DYM: variants seen among roughly 807,000 people sequenced by gnomAD.
DYM encodes dyggve-Melchior-Clausen syndrome protein.
DYM carries 78 observed loss-of-function variants against 93.1 expected under a neutral mutation model. That is an observed-to-expected ratio of 0.84 (90% confidence interval 0.70 to 1.01). DYM has a LOEUF of 1.01. DYM is among the 50% of genes least tolerant of loss of function. DYM has a pLI of 0.00. For missense variants in DYM, 789 were observed against 845.0 expected, an observed-to-expected ratio of 0.93 and a Z score of 0.82; for synonymous variants, 321 against 319.7, an observed-to-expected ratio of 1.00 and a Z score of -0.04.
At chr18:49,361,764 A>C (rs1220891206) in intron 6 of DYM, among the ~76,000 whole-genome samples, 1 of 152,194 alleles carries the variant, frequency 6.6e-6, no homozygotes, top group Non-Finnish European at 1.5e-5. Flanking sequence ...TCTGTAGCCC[A>C]GGCTGGAGTG....
At chr18:49,079,588 T>A (rs1237799003) in intron 17 of DYM, among the ~76,000 whole-genome samples, 2 of 151,640 alleles carry the variant, frequency 1.3e-5, no homozygotes, top group African/African-American at 4.8e-5. Flanking sequence ...TACTTGAGAT[T>A]AGGGAGTGGT....
At chr18:49,453,697 G>A (rs2082729098) in intron 1 of DYM, among the ~76,000 whole-genome samples, 1 of 152,192 alleles carries the variant, frequency 6.6e-6, no homozygotes, top group Non-Finnish European at 1.5e-5. Context: ...TGTAGAATTT[G>A]CTTAATTATT....
intron 1 of DYM, among the ~76,000 whole-genome samples, chr18:49,434,114 G>A (rs766062185): frequency 8.6e-5 from 13 of 152,022 alleles, no homozygotes; most frequent in Non-Finnish European, 1.6e-4. Flanking sequence ...GGGAGGCCAA[G>A]ACGGGCAGAC....
At chr18:49,290,360 A>G (rs2060032548) in intron 8 of DYM, among the ~76,000 whole-genome samples, 1 of 151,864 alleles carries the variant, frequency 6.6e-6, no homozygotes, top group African/African-American at 2.4e-5. Context: ...ATCCATATGT[A>G]CATATTTAAA....
At position 49,333,713 on chromosome 18, in the gene DYM, A is replaced by G. The variant is rs775469330; in HGVS notation, c.620+15T>C. The G allele has an allele frequency of 6.2e-7, 1 of 1,613,364 alleles. No homozygotes were observed. Among genetic ancestry groups the G allele is most frequent in the South Asian group, 1.1e-5 (1 of 91,040 alleles). On this transcript the variant is annotated intron_variant, in intron 7 of 17. Transcript: ENST00000675505. ...TACAATGAAAAAACTAGACATACTT[A>G]AAGTAGAAACATACCATGGACCTCG...
chr18:49,245,600 T>C (rs1352692008), intron 13 of DYM, among the ~76,000 whole-genome samples: 1 of 152,174 alleles, frequency 6.6e-6, no homozygotes, highest in Admixed American at 6.5e-5. Flanking sequence ...ATCAGACTGG[T>C]TCTCTGCTCT....
intron 8 of DYM, among the ~76,000 whole-genome samples, chr18:49,316,436 A>C (rs2061946048): frequency 6.6e-6 from 1 of 152,214 alleles, no homozygotes; most frequent in Non-Finnish European, 1.5e-5. Context: ...TATCTGAAAA[A>C]ACTTCCAAAT....
chr18:49,144,556 G>A (rs765926457), intron 15 of DYM, among the ~76,000 whole-genome samples: 2 of 152,012 alleles, frequency 1.3e-5, no homozygotes, highest in Non-Finnish European at 1.5e-5. Flanking sequence ...TATTTGAAAG[G>A]CAGGACAAAT....
chr18:49,262,428 A>G (rs967097642), intron 11 of DYM, among the ~76,000 whole-genome samples: 1 of 152,192 alleles, frequency 6.6e-6, no homozygotes, highest in Non-Finnish European at 1.5e-5. Flanking sequence ...AGAAGACACT[A>G]AGTATCTTTC....
chr18:49,337,238 A>G (rs966893106), intron 6 of DYM, among the ~76,000 whole-genome samples: 5 of 152,190 alleles, frequency 3.3e-5, no homozygotes, highest in Admixed American at 3.3e-4. Flanking sequence ...GAATTTCATG[A>G]AAGAAGGATC....
chr18:49,154,520 G>A (rs182353357), intron 15 of DYM, among the ~76,000 whole-genome samples: 4 of 151,924 alleles, frequency 2.6e-5, no homozygotes, highest in African/African-American at 7.2e-5. Flanking sequence ...TCAGTCTCCC[G>A]AATATCTGGG....
Position 49,331,987 on chromosome 18 carries a change from G to A in DYM, c.640C>T (p.Leu214Phe), listed in dbSNP as rs1394607540. The A allele has an allele frequency of 6.2e-7, 1 of 1,613,688 alleles. No homozygotes were observed. Among genetic ancestry groups the A allele is most frequent in the Non-Finnish European group, 8.5e-7 (1 of 1,179,896 alleles). ...RGPCLPYTSK[L>F]VKTLLYNFIR... ...AAGTTATATAATAAGGTCTTCACAA[G>A]TTTGCTGGTGTATGGAAGACTATAC... Residue 214 changes from leucine (L) to phenylalanine (F), a missense_variant, in exon 8 of 18, where the codon CTT (leucine) becomes TTT (phenylalanine). Physicochemically the swap from Leu to Phe is conservative, Grantham distance 22 (BLOSUM62 0). This residue lies in a region of DYM where 450 missense variants were observed against 436.2 expected (regional missense o/e 1.03). Coordinates refer to ENST00000675505, the MANE Select transcript of DYM (RefSeq NM_001353214.3).
At chr18:49,361,973 C>A (rs1599677601) in intron 6 of DYM, among the ~76,000 whole-genome samples, 2 of 151,842 alleles carry the variant, frequency 1.3e-5, no homozygotes, top group East Asian at 3.9e-4. Context: ...AACTGCCCAC[C>A]TTGGCCTTCC....
At chr18:49,252,454 T>C (rs1240035316) in intron 13 of DYM, among the ~76,000 whole-genome samples, 1 of 151,958 alleles carries the variant, frequency 6.6e-6, no homozygotes, top group African/African-American at 2.4e-5. Context: ...CTCACTATCA[T>C]GAATGAGAAC....
chr18:49,288,955 C>A lies in DYM; in HGVS notation c.764-2339G>T, dbSNP rs997948968. Among the ~76,000 whole-genome samples, 316 of 151,798 alleles carry A rather than the reference C, an allele frequency of 2.1e-3. 2 individuals carry two copies. Among genetic ancestry groups the A allele is most frequent in the African/African-American group, 6.9e-3 (287 of 41,326 alleles). On this transcript the variant is annotated intron_variant, in intron 8 of 17. Coordinates refer to ENST00000675505, the MANE Select transcript of DYM (RefSeq NM_001353214.3). ...ATACATAAGAAAACAATTCTGAGAC[C>A]GACCTAGGGAAGTATACAACCATTC...
chr18:49,435,823 C>G lies in DYM; in HGVS notation c.-53-5376G>C, dbSNP rs1184793809. ...CAAAAACAAACAAACAAAAAAGAAT[C>G]TACATGTCCCAGAGAGGTGCCAACA... On this transcript the variant is annotated intron_variant, in intron 1 of 17. Transcript: ENST00000675505. Among the ~76,000 whole-genome samples the G allele has an allele frequency of 1.5e-4, 23 of 152,138 alleles. No individual in the cohort carries two copies. The South Asian group carries it at 2.9e-3, about 19-fold the overall frequency.
chr18:49,112,733 A>G (rs1368283628), intron 16 of DYM, among the ~76,000 whole-genome samples: 1 of 152,190 alleles, frequency 6.6e-6, no homozygotes, highest in African/African-American at 2.4e-5. Context: ...GGTACAGTTC[A>G]ACCAGTTTTG....
intron 17 of DYM, among the ~76,000 whole-genome samples, chr18:49,090,640 A>C (rs1406870716): frequency 1.3e-5 from 2 of 152,186 alleles, no homozygotes; most frequent in African/African-American, 4.8e-5. Context: ...GAACCAGAAA[A>C]AGCAAACAGT....
At chr18:49,159,975 T>G (rs2086901249) in intron 15 of DYM, among the ~76,000 whole-genome samples, 1 of 152,218 alleles carries the variant, frequency 6.6e-6, no homozygotes, top group Non-Finnish European at 1.5e-5. Flanking sequence ...GTTCCATATT[T>G]GGTTATATAT....
Sources: gnomAD v4.1 joint callset for allele counts (sites outside exome capture counted in the v4.1 genomes callset) on GRCh38, gnomAD v4.1.1 for gene constraint, gnomAD v4.1.1 regional missense constraint, MANE v1.5 for transcripts, NCBI Gene and HGNC (gene_info 2026-07-23, HGNC 2026-07-21) for gene names.